TAFA2: variants seen among roughly 807,000 people sequenced by gnomAD.
TAFA2 encodes the protein TAFA chemokine like family member 2, also known as chemokine-like protein TAFA-2.
A neutral mutation model predicts 18.8 loss-of-function variants in TAFA2; 7 were observed. The observed-to-expected ratio is 0.37, with a 90% CI of 0.21 to 0.70. The LOEUF is 0.70. TAFA2 is among the 30% of genes least tolerant of loss of function. TAFA2 has a pLI of 0.53. For missense variants in TAFA2, 122 were observed against 158.1 expected (o/e 0.77, Z 1.23); for synonymous variants, 60 against 54.2 (o/e 1.11, Z -0.47).
intron 1 of TAFA2, among the ~76,000 whole-genome samples, chr12:61,951,906 A>C (rs1280693502): frequency 6.6e-6 from 1 of 151,966 alleles, no homozygotes; most frequent in Non-Finnish European, 1.5e-5. Context: ...AAAAAAGCTA[A>C]ATAAATCTTA....
chr12:61,879,244 A>C, intron 1 of TAFA2: 1 of 383,014 alleles, frequency 2.6e-6, no homozygotes, highest in East Asian at 5.3e-5. Context: ...GATAATGAAG[A>C]AGCAGCAGCT....
chr12:61,896,081 G>A (rs1875830174), intron 1 of TAFA2, among the ~76,000 whole-genome samples: 1 of 151,950 alleles, frequency 6.6e-6, no homozygotes, highest in African/African-American at 2.4e-5. Flanking sequence ...TAAAGGGAGG[G>A]GAGAAAAGGA....
chr12:61,731,316 G>T (rs1057332487), intron 4 of TAFA2, among the ~76,000 whole-genome samples: 4 of 152,108 alleles, frequency 2.6e-5, no homozygotes, highest in Admixed American at 2.0e-4. Context: ...GAATTCTTTT[G>T]TTTTTTCTGG....
intron 1 of TAFA2, among the ~76,000 whole-genome samples, chr12:62,250,041 C>A (rs1389487863): frequency 3.3e-5 from 5 of 152,184 alleles, no homozygotes; most frequent in African/African-American, 1.2e-4. Context: ...GTCTCAGATT[C>A]TGATGTCTGT....
At chr12:62,178,054 C>G (rs999342091) in intron 1 of TAFA2, among the ~76,000 whole-genome samples, 1 of 152,168 alleles carries the variant, frequency 6.6e-6, no homozygotes, top group Non-Finnish European at 1.5e-5. Context: ...AATCACAGCA[C>G]TTTGGGAGGC....
chr12:61,848,166 C>T (rs567218225), intron 2 of TAFA2, among the ~76,000 whole-genome samples: 101 of 152,284 alleles, frequency 6.6e-4, no homozygotes, highest in Non-Finnish European at 1.2e-3. Context: ...TACACATTTG[C>T]AAACGCAGAT....
intron 1 of TAFA2, among the ~76,000 whole-genome samples, chr12:61,924,463 C>A (rs769186609): frequency 1.3e-5 from 2 of 152,134 alleles, no homozygotes; most frequent in Non-Finnish European, 2.9e-5. Context: ...GAATTTTCAA[C>A]ACATAATTTC....
intron 2 of TAFA2, among the ~76,000 whole-genome samples, chr12:61,818,018 C>T (rs1035287216): frequency 6.6e-6 from 1 of 152,142 alleles, no homozygotes; most frequent in Non-Finnish European, 1.5e-5. Flanking sequence ...CCCCAGTGTC[C>T]AACATCAGCT....
At chr12:61,746,936 C>A (rs1362909342) in intron 4 of TAFA2, among the ~76,000 whole-genome samples, 1 of 152,030 alleles carries the variant, frequency 6.6e-6, no homozygotes, top group Non-Finnish European at 1.5e-5. Flanking sequence ...AGGCAACCTA[C>A]AAAATGGGAG....
intron 1 of TAFA2, among the ~76,000 whole-genome samples, chr12:61,935,933 G>T (rs1470211028): frequency 6.6e-6 from 1 of 151,446 alleles, no homozygotes; most frequent in Admixed American, 6.6e-5. Context: ...ATACAAAAAA[G>T]AACTGATATC....
chr12:62,063,837 G>A lies in TAFA2; in HGVS notation c.-2+127422C>T, dbSNP rs374861760. Among the ~76,000 whole-genome samples, 7 of 147,760 alleles carry A rather than the reference G, an allele frequency of 4.7e-5. 1 individual carries two copies. The highest frequency in any genetic ancestry group is 6.9e-5 in the Admixed American group (1 of 14,490). The stretch of plus-strand genomic sequence containing the variant: ...AATATAAAGAAAACCAATGGTTTTT[G>A]CTATGTAAGGGTGGCTGGACACACA... On this transcript the variant is annotated intron_variant, in intron 1 of 4. Transcript: ENST00000416284.
At chr12:62,089,162 C>T (rs1383207839) in intron 1 of TAFA2, among the ~76,000 whole-genome samples, 1 of 152,116 alleles carries the variant, frequency 6.6e-6, no homozygotes, top group Non-Finnish European at 1.5e-5. Flanking sequence ...CTAGAACTAT[C>T]CACGTTTATT....
intron 1 of TAFA2, among the ~76,000 whole-genome samples, chr12:62,122,825 G>A (rs1870258354): frequency 6.6e-6 from 1 of 152,106 alleles, no homozygotes; most frequent in South Asian, 2.1e-4. Context: ...CACCGCATAG[G>A]GGTATGCAGC....
chr12:61,795,680 C>T (rs1871159560), intron 2 of TAFA2, among the ~76,000 whole-genome samples: 1 of 149,960 alleles, frequency 6.7e-6, no homozygotes, highest in East Asian at 2.0e-4. Context: ...ACATATGTAA[C>T]AAACCTGCAT....
At chr12:62,099,703 T>G (rs1004925409) in intron 1 of TAFA2, among the ~76,000 whole-genome samples, 1 of 152,180 alleles carries the variant, frequency 6.6e-6, no homozygotes, top group Non-Finnish European at 1.5e-5. Flanking sequence ...GCCAGCAATA[T>G]GCCAGGCCCT....
intron 1 of TAFA2, among the ~76,000 whole-genome samples, chr12:62,127,716 G>A (rs1034754351): frequency 2.0e-5 from 3 of 151,954 alleles, no homozygotes; most frequent in Non-Finnish European, 4.4e-5. Flanking sequence ...GGGCTAAAAT[G>A]TGTCTCTGCC....
intron 1 of TAFA2, among the ~76,000 whole-genome samples, chr12:62,174,822 G>A (rs2062501382): frequency 6.6e-6 from 1 of 152,056 alleles, no homozygotes; most frequent in Non-Finnish European, 1.5e-5. Flanking sequence ...ACTGTCCACT[G>A]ATACAATACC....
intron 1 of TAFA2, among the ~76,000 whole-genome samples, chr12:61,905,229 A>G (rs997618017): frequency 3.3e-5 from 5 of 152,160 alleles, no homozygotes; most frequent in African/African-American, 9.7e-5. Flanking sequence ...ATAGTTTCTT[A>G]TCTTCTCACA....
intron 1 of TAFA2, among the ~76,000 whole-genome samples, chr12:62,049,564 C>G (rs1005996271): frequency 2.6e-5 from 4 of 151,964 alleles, no homozygotes; most frequent in Non-Finnish European, 5.9e-5. Context: ...AGCAAAGAAG[C>G]CAAACTGCAC....
Sources: allele counts gnomAD v4.1 joint callset (sites outside exome capture counted in the v4.1 genomes callset), GRCh38; gene constraint gnomAD v4.1.1; transcripts MANE v1.5; gene names NCBI Gene and HGNC (gene_info 2026-07-23, HGNC 2026-07-21).